Variants in MGLL observed in about 807,000 individuals in gnomAD.
The protein encoded by MGLL is monoglyceride lipase, also known as lysophospholipase homolog.
MGLL carries 7 observed loss-of-function variants against 29.1 expected under a neutral mutation model. That is an observed-to-expected ratio of 0.24 (90% CI 0.14 to 0.45). MGLL has a LOEUF of 0.45. MGLL is among the 20% of genes least tolerant of loss of function. MGLL has a pLI of 0.99. For missense variants in MGLL, 356 were observed against 413.6 expected, an observed-to-expected ratio of 0.86 and a Z score of 1.21; for synonymous variants, 148 against 168.3, an observed-to-expected ratio of 0.88 and a Z score of 0.93.
rs771152281 is a variant in MGLL at position 127,692,271 on chromosome 3, T to C, written c.869A>G (p.Asn290Ser). The C allele has an allele frequency of 3.0e-5, 48 of 1,613,808 alleles. No homozygotes were observed. Among genetic ancestry groups the C allele is most frequent in the Non-Finnish European group, 3.9e-5 (46 of 1,179,876 alleles). Residue 290 changes from asparagine (N) to serine (S), a missense_variant, in exon 8 of 8, where the codon AAC becomes AGC. Transcript: ENST00000265052. ...VLHKELPEVT[N>S]SVFHEINMWV... ...CATGTTTATTTCATGGAAGACGGAGTTGGTGACTTCAGGAAGCTCCTTGTG... is the reference window on the plus strand; with the variant it reads ...CATGTTTATTTCATGGAAGACGGAGCTGGTGACTTCAGGAAGCTCCTTGTG...
At chr3:127,727,726 A>AC (rs1186860021) in intron 3 of MGLL, among the ~76,000 whole-genome samples, 29 of 151,742 alleles carry the variant, frequency 1.9e-4, no homozygotes, top group Non-Finnish European at 1.5e-5. Context: ...AAAAAAAAAA[A>AC]AAACAGAGCA....
At chr3:127,764,636 T>C (rs1010519514) in intron 3 of MGLL, among the ~76,000 whole-genome samples, 2 of 152,220 alleles carry the variant, frequency 1.3e-5, no homozygotes, top group African/African-American at 4.8e-5. Context: ...AGGCATATGA[T>C]AAATATTAAT....
At position 127,750,333 on chromosome 3, in the gene MGLL, C is replaced by T. The variant is rs185382706; in HGVS notation, c.263-27767G>A. Reference sequence around the variant, plus strand: ...AGGAACTGAGATCCAGTTTTGCTCCCGGCTCACTGGGGGCCTCGGGCAGGC... The same window carrying T: ...AGGAACTGAGATCCAGTTTTGCTCCTGGCTCACTGGGGGCCTCGGGCAGGC... On this transcript the variant is annotated intron_variant, in intron 3 of 7. Transcript: ENST00000265052. Among the ~76,000 whole-genome samples the T allele has an allele frequency of 5.3e-5, 8 of 152,268 alleles. No homozygotes were observed. The East Asian group carries it at 5.8e-4, about 11-fold the overall frequency.
At chr3:127,709,472 G>A (rs2075667683) in intron 6 of MGLL, among the ~76,000 whole-genome samples, 1 of 152,070 alleles carries the variant, frequency 6.6e-6, no homozygotes, top group Admixed American at 6.6e-5. Context: ...TACACACCAC[G>A]GGCTATTCCT....
chr3:127,759,238 C>G lies in MGLL; in HGVS notation c.262+22551G>C, dbSNP rs114393793. Among the ~76,000 whole-genome samples, 1,245 of 152,272 alleles carry G rather than the reference C, an allele frequency of 8.2e-3. 20 individuals carry two copies. Among genetic ancestry groups the G allele is most frequent in the African/African-American group, 0.029 (1,192 of 41,530 alleles). On this transcript the variant is annotated intron_variant, in intron 3 of 7. Coordinates refer to ENST00000265052, the MANE Select transcript of MGLL (RefSeq NM_007283.7). ...CTGCGCCCGGCCCTGGCAGCTATTT[C>G]TCACAGCGTCCATTATTATAAACCA... is the stretch of plus-strand genomic sequence containing the variant.
At chr3:127,720,668 C>T (rs777622401) in intron 5 of MGLL, among the ~76,000 whole-genome samples, 1 of 152,204 alleles carries the variant, frequency 6.6e-6, no homozygotes, top group African/African-American at 2.4e-5. Flanking sequence ...GTTAGGAGTG[C>T]CTGCAGTTCC....
chr3:127,772,712 C>G (rs750865608), intron 3 of MGLL, among the ~76,000 whole-genome samples: 1 of 152,096 alleles, frequency 6.6e-6, no homozygotes, highest in African/African-American at 2.4e-5. Context: ...TGTTTGTCTC[C>G]CCTCAGAATT....
At chr3:127,738,651 G>A (rs536130785) in intron 3 of MGLL, among the ~76,000 whole-genome samples, 2 of 152,274 alleles carry the variant, frequency 1.3e-5, no homozygotes, top group African/African-American at 4.8e-5. Context: ...CTCTCCATCT[G>A]GGCACACTGC....
chr3:127,822,504 G>C lies in MGLL; in HGVS notation c.-186C>G, dbSNP rs958097969. On this transcript the variant is annotated 5_prime_UTR_variant, in exon 1 of 8. Coordinates refer to ENST00000265052, the MANE Select transcript of MGLL (RefSeq NM_007283.7). Reference sequence around the variant, plus strand: ...CGGGAGCCTGCTTCCAGCTCCCACCGGCAGGCTCTCCGGGGCTCCCCTCCC... The same window carrying C: ...CGGGAGCCTGCTTCCAGCTCCCACCCGCAGGCTCTCCGGGGCTCCCCTCCC... The C allele has an allele frequency of 4.7e-6, 3 of 636,850 alleles. No homozygotes were observed. Among genetic ancestry groups the C allele is most frequent in the South Asian group, 3.6e-5 (2 of 55,682 alleles). 39.4% of individuals were successfully genotyped at this position (636,850 alleles called of 1,614,324 possible). A position where few individuals can be genotyped will look rare whatever the true frequency, so the allele number is the denominator to read the frequency against.
At chr3:127,714,081 G>C (rs1272800430) in intron 5 of MGLL, 1 of 136,972 alleles carries the variant, frequency 7.3e-6, no homozygotes, top group Non-Finnish European at 1.6e-5. Flanking sequence ...TTTAAGAAAA[G>C]AGCTTCGTAG....
intron 3 of MGLL, among the ~76,000 whole-genome samples, chr3:127,773,016 A>C (rs2076974628): frequency 6.6e-6 from 1 of 152,090 alleles, no homozygotes; most frequent in Non-Finnish European, 1.5e-5. Context: ...CCCAGTCTAG[A>C]GTGTTCTGTT....
At chr3:127,820,296 T>G (rs1281644170) in intron 2 of MGLL, among the ~76,000 whole-genome samples, 2 of 152,088 alleles carry the variant, frequency 1.3e-5, no homozygotes, top group Non-Finnish European at 2.9e-5. Flanking sequence ...GCAATGCAAC[T>G]TCAGCACAGA....
intron 6 of MGLL, among the ~76,000 whole-genome samples, chr3:127,705,790 A>AG (rs1391166707): frequency 2.4e-5 from 3 of 123,610 alleles, no homozygotes. Context: ...AAAAAAAAAA[A>AG]AGAAGAAGAA....
chr3:127,779,939 T>A (rs916949291), intron 3 of MGLL, among the ~76,000 whole-genome samples: 2 of 152,200 alleles, frequency 1.3e-5, no homozygotes, highest in African/African-American at 4.8e-5. Flanking sequence ...ACACGCACAG[T>A]CAACTGGGTT....
chr3:127,709,768 C>T (rs1392505207), intron 6 of MGLL, among the ~76,000 whole-genome samples: 3 of 152,190 alleles, frequency 2.0e-5, no homozygotes, highest in Non-Finnish European at 2.9e-5. Context: ...GCTTCCTACC[C>T]ATTAACTGCA....
intron 5 of MGLL, chr3:127,716,043 G>T: frequency 2.9e-6 from 1 of 347,886 alleles, no homozygotes; most frequent in South Asian, 2.2e-5. Context: ...GGTGAAACCA[G>T]GTTTGTGTAA....
intron 2 of MGLL, among the ~76,000 whole-genome samples, chr3:127,782,395 C>A (rs974860657): frequency 6.6e-5 from 10 of 152,080 alleles, no homozygotes; most frequent in African/African-American, 1.9e-4. Context: ...GAATGGAGCC[C>A]AAATCCCTGC....
At position 127,694,296 on chromosome 3, in the gene MGLL, T is replaced by A. The variant is rs1352323393; in HGVS notation, c.816+679A>T. 1.7e-3 allele frequency among the ~76,000 whole-genome samples: 213 copies of A among 123,072 alleles called. 4 individuals carry two copies. Among genetic ancestry groups the A allele is most frequent in the Non-Finnish European group, 2.0e-3 (112 of 56,974 alleles). The allele number at this position is 123,072 out of a possible 152,430, so 80.7% of individuals were successfully genotyped here. On this transcript the variant is annotated intron_variant, in intron 7 of 7. Transcript: ENST00000265052. ...AAAAAAAAAAAAAAAAATATATATA[T>A]ATATATATATATGTATGTGTGTATA...
intron 3 of MGLL, among the ~76,000 whole-genome samples, chr3:127,762,525 C>T (rs1040703015): frequency 1.3e-5 from 2 of 152,132 alleles, no homozygotes; most frequent in African/African-American, 2.4e-5. Flanking sequence ...GTTTAATTTA[C>T]GAAATGGGTG....
Sources: gnomAD v4.1 joint callset for allele counts (sites outside exome capture counted in the v4.1 genomes callset) on GRCh38, gnomAD v4.1.1 for gene constraint, MANE v1.5 for transcripts, NCBI Gene and HGNC (gene_info 2026-07-23, HGNC 2026-07-21) for gene names.